TTC29: variants seen among roughly 807,000 people sequenced by gnomAD.
TTC29 encodes tetratricopeptide repeat domain 29.
Under a neutral mutation model 58.1 loss-of-function variants are expected in TTC29, and 49 were observed. The ratio of observed to expected loss-of-function variants is 0.84; its 90% CI spans 0.67 to 1.07. The LOEUF (loss-of-function observed/expected upper bound fraction) is 1.07, where lower values mean the gene tolerates loss of function less well. TTC29 is among the 50% of genes least tolerant of loss of function. The pLI, the probability that TTC29 is intolerant of heterozygous loss-of-function variation, is 0.00. For synonymous variants in TTC29, 209 were observed against 196.8 expected (o/e 1.06, Z -0.52); for missense variants, 582 against 555.6 (o/e 1.05, Z -0.48).
chr4:146,919,857 A>G (rs907242924), intron 4 of TTC29, among the ~76,000 whole-genome samples: 3 of 151,234 alleles, frequency 2.0e-5, no homozygotes, highest in African/African-American at 4.8e-5. Flanking sequence ...AATATAAAGA[A>G]CAAACTTAGT....
intron 11 of TTC29, among the ~76,000 whole-genome samples, chr4:146,726,453 A>C (rs1743791436): frequency 6.6e-6 from 1 of 152,130 alleles, no homozygotes; most frequent in Non-Finnish European, 1.5e-5. Flanking sequence ...TGTCTCAAAA[A>C]GAAAAAAAAT....
rs538716349 is a variant in TTC29, at chr4:146,759,694, A to G, written c.1330+43763T>C. Among the ~76,000 whole-genome samples the G allele has an allele frequency of 9.2e-5, 14 of 152,300 alleles. No individual in the cohort carries two copies. In the South Asian group the frequency reaches 2.1e-3, roughly 23 times the overall value. ...AATTAAAAACAAAAATCACATGATC[A>G]TTTCAATAGATGCAGAAAAAGCATT... is the stretch of plus-strand genomic sequence containing the variant. On this transcript the variant is annotated intron_variant, in intron 11 of 12. Coordinates refer to ENST00000325106, the MANE Select transcript of TTC29 (RefSeq NM_031956.4).
chr4:146,854,262 T>C lies in TTC29; in HGVS notation c.885+13236A>G, dbSNP rs564320862. Among the ~76,000 whole-genome samples the C allele has an allele frequency of 2.0e-5, 3 of 152,280 alleles. No homozygotes were observed. In the South Asian group the frequency reaches 6.2e-4, roughly 32 times the overall value. ...GAAAACCCGAACCAAGTCGTCAAGG[T>C]ATTGAGTTCAACGGTGCAAAAGCAT... On this transcript the variant is annotated intron_variant, in intron 8 of 12. Transcript: ENST00000325106.
In TTC29 at chr4:146,909,152, C is replaced by T. The variant is rs372436413; in HGVS notation, c.274G>A (p.Asp92Asn). 2.4e-5 allele frequency: 38 copies of T among 1,613,664 alleles called. No homozygotes were observed. The African/African-American group carries it at 4.5e-4, about 19-fold the overall frequency. Residue 92 changes from aspartate (D) to asparagine (N), a missense_variant, in exon 5 of 13, where the codon GAT (aspartate) becomes AAT (asparagine). Asp to Asn is a conservative substitution (Grantham distance 23). Coordinates refer to ENST00000325106, the MANE Select transcript of TTC29 (RefSeq NM_031956.4). ...ACTCTCGCAGCCTCCCTCAGGGCAT[C>T]CCACCGCTCCATCAGAGCGAAGAGC... Reference protein sequence around the residue: ...TELFALMERWDALREAARVRS... With the variant: ...TELFALMERWNALREAARVRS...
intron 11 of TTC29, among the ~76,000 whole-genome samples, chr4:146,800,352 T>C (rs1350410715): frequency 6.6e-6 from 1 of 152,188 alleles, no homozygotes; most frequent in African/African-American, 2.4e-5. Context: ...GAGCTAATGA[T>C]TTGTTTGGAG....
chr4:146,767,408 C>G (rs2150069964), intron 11 of TTC29, among the ~76,000 whole-genome samples: 1 of 152,026 alleles, frequency 6.6e-6, no homozygotes. Flanking sequence ...TTCTTCTCCC[C>G]CAAATGAAAA....
At chr4:146,740,968 T>C (rs1745092973) in intron 11 of TTC29, among the ~76,000 whole-genome samples, 1 of 152,150 alleles carries the variant, frequency 6.6e-6, no homozygotes, top group South Asian at 2.1e-4. Flanking sequence ...ACAACCCTCC[T>C]AAGTCAGCCT....
intron 4 of TTC29, among the ~76,000 whole-genome samples, chr4:146,926,554 C>A (rs1734946259): frequency 6.6e-6 from 1 of 151,988 alleles, no homozygotes; most frequent in Non-Finnish European, 1.5e-5. Flanking sequence ...GGCTCACTGC[C>A]CAGGTTCAAG....
At chr4:146,748,866 A>G (rs952248891) in intron 11 of TTC29, among the ~76,000 whole-genome samples, 6 of 152,206 alleles carry the variant, frequency 3.9e-5, no homozygotes, top group Non-Finnish European at 8.8e-5. Flanking sequence ...AAAAAACACA[A>G]TAATTCTCTA....
chr4:146,718,348 G>A (rs935932962), intron 11 of TTC29, among the ~76,000 whole-genome samples: 8 of 152,120 alleles, frequency 5.3e-5, no homozygotes, highest in Admixed American at 2.0e-4. Context: ...GTGCACAAGG[G>A]TTCCCTTTTC....
chr4:146,799,268 C>A (rs1385505649), intron 11 of TTC29, among the ~76,000 whole-genome samples: 1 of 152,188 alleles, frequency 6.6e-6, no homozygotes, highest in Non-Finnish European at 1.5e-5. Context: ...TACTTGCTTG[C>A]TGACTTTTTG....
chr4:146,848,502 GTTTA>G (rs2150179749), intron 8 of TTC29, among the ~76,000 whole-genome samples: 1 of 152,256 alleles, frequency 6.6e-6, no homozygotes, highest in South Asian at 2.1e-4. Flanking sequence ...CTCTTTAGTG[GTTTA>G]TTTAGAGGTG....
chr4:146,718,492 G>A (rs992508204), intron 11 of TTC29, among the ~76,000 whole-genome samples: 30 of 152,136 alleles, frequency 2.0e-4, no homozygotes, highest in African/African-American at 5.8e-4. Flanking sequence ...ATGTCTGTTC[G>A]CCACTTATGT....
intron 11 of TTC29, among the ~76,000 whole-genome samples, chr4:146,790,666 C>T (rs560830280): frequency 6.6e-6 from 1 of 152,232 alleles, no homozygotes; most frequent in Non-Finnish European, 1.5e-5. Flanking sequence ...TGTTGAAAAG[C>T]CAGATACTCA....
chr4:146,927,914 A>G (rs1370186317), intron 4 of TTC29, among the ~76,000 whole-genome samples: 1 of 152,312 alleles, frequency 6.6e-6, no homozygotes, highest in East Asian at 1.9e-4. Context: ...ATAGAGTACC[A>G]ATGATGCACA....
chr4:146,809,167 GA>G, intron 10 of TTC29, among the ~76,000 whole-genome samples: 1 of 149,994 alleles, frequency 6.7e-6, no homozygotes, highest in Non-Finnish European at 1.5e-5. Context: ...ATGGTGCTGG[GA>G]AAACTGGCTA....
intron 4 of TTC29, among the ~76,000 whole-genome samples, chr4:146,930,116 T>TATATATAC (rs1735228719): frequency 1.4e-5 from 2 of 138,064 alleles, no homozygotes; most frequent in African/African-American, 2.7e-5. Flanking sequence ...TATATATATA[T>TATATATAC]ATACACACAT....
chr4:146,741,487 CT>C (rs762817689), intron 11 of TTC29, among the ~76,000 whole-genome samples: 3,077 of 139,798 alleles, frequency 0.022, 43 homozygotes, highest in African/African-American at 0.049. Context: ...AAAAATTGTT[CT>C]TTTTTTTTTT....
intron 2 of TTC29, among the ~76,000 whole-genome samples, chr4:146,943,941 C>T (rs375293904): frequency 1.3e-5 from 2 of 152,140 alleles, no homozygotes; most frequent in South Asian, 4.2e-4. Context: ...TGACCCAGGC[C>T]TGTAGCATAA....
Sources: allele counts gnomAD v4.1 joint callset (sites outside exome capture counted in the v4.1 genomes callset), GRCh38; gene constraint gnomAD v4.1.1; transcripts MANE v1.5; gene names NCBI Gene and HGNC (gene_info 2026-07-23, HGNC 2026-07-21).